The following SLC43A2 variants were observed in gnomAD, a reference collection of about 807,000 sequenced individuals.
The protein encoded by SLC43A2 is large neutral amino acids transporter small subunit 4.
Under a neutral mutation model 63.2 loss-of-function variants are expected in SLC43A2, and 38 were observed. The observed-to-expected ratio is 0.60, with a 90% CI of 0.46 to 0.79. The LOEUF (loss-of-function observed/expected upper bound fraction) is 0.79, where lower values mean the gene tolerates loss of function less well. SLC43A2 is among the 30% of genes least tolerant of loss of function. SLC43A2 has a pLI of 0.00. For missense variants in SLC43A2, 644 were observed against 756.2 expected, an observed-to-expected ratio of 0.85 and a Z score of 1.74; for synonymous variants, 322 against 331.0, an observed-to-expected ratio of 0.97 and a Z score of 0.30.
At chr17:1,625,811 C>A (rs910477339) in intron 2 of SLC43A2, among the ~76,000 whole-genome samples, 1 of 152,094 alleles carries the variant, frequency 6.6e-6, no homozygotes, top group Non-Finnish European at 1.5e-5. Flanking sequence ...GACCCTTCAC[C>A]TTCACTTTGG....
At chr17:1,584,442 G>A (rs2076069992) in intron 10 of SLC43A2, among the ~76,000 whole-genome samples, 1 of 152,100 alleles carries the variant, frequency 6.6e-6, no homozygotes, top group African/African-American at 2.4e-5. Context: ...TCTTCACTGA[G>A]ATACTGTGCA....
chr17:1,569,772 T>C lies in SLC43A2; in HGVS notation c.*5832A>G, dbSNP rs1432566448. The C allele has an allele frequency of 6.6e-6, 1 of 152,002 alleles. No individual in the cohort carries two copies. Among genetic ancestry groups the C allele is most frequent in the Non-Finnish European group, 1.5e-5 (1 of 68,004 alleles). 9.4% of individuals were successfully genotyped at this position (152,002 alleles called of 1,614,324 possible). ...CTCGAGCAGCTATTTGGCCAAGTCT[T>C]ACCAAAACGTGAAAGCCACAAAAGA... On this transcript the variant is annotated 3_prime_UTR_variant, in exon 14 of 14. Transcript: ENST00000301335.
Position 1,585,579 on chromosome 17 carries a change from G to C in SLC43A2, c.1217+334C>G, listed in dbSNP as rs566095572. On this transcript the variant is annotated intron_variant, in intron 10 of 13. Transcript: ENST00000301335. ...AATTTTTTGTAGAGACGGGGAGTGG[G>C]GGCTGGCCATGTTTCCCAGGCTGGT... is the stretch of plus-strand genomic sequence containing the variant. 5 of 946,804 alleles carry C rather than the reference G, an allele frequency of 5.3e-6. No individual in the cohort carries two copies. In the Admixed American group the frequency reaches 1.4e-4, roughly 27 times the overall value. 58.7% of individuals were successfully genotyped at this position (946,804 alleles called of 1,614,324 possible). A position where few individuals can be genotyped will look rare whatever the true frequency, so the allele number is the denominator to read the frequency against.
At chr17:1,609,555 C>CTAA (rs1433564906) in intron 5 of SLC43A2, among the ~76,000 whole-genome samples, 12 of 152,160 alleles carry the variant, frequency 7.9e-5, no homozygotes, top group African/African-American at 2.9e-4. Flanking sequence ...TTAAAACATG[C>CTAA]TAATCCTGTG....
At chr17:1,622,501 G>C (rs1303939756) in intron 2 of SLC43A2, among the ~76,000 whole-genome samples, 4 of 151,718 alleles carry the variant, frequency 2.6e-5, no homozygotes, top group Non-Finnish European at 5.9e-5. Context: ...GGAGGCGGAG[G>C]TTGCGGTGAG....
At position 1,570,558 on chromosome 17, in the gene SLC43A2, C is replaced by T. The variant is rs1342761410; in HGVS notation, c.*5046G>A. ...CTGGAGTGCAGTGGCGGGATCTCGG[C>T]TCACTGCAAGCTCCGCCTCCCGGGT... is the stretch of plus-strand genomic sequence containing the variant. On this transcript the variant is annotated 3_prime_UTR_variant, in exon 14 of 14. Transcript: ENST00000301335. The T allele has an allele frequency of 1.4e-5, 2 of 147,932 alleles. No individual in the cohort carries two copies. The highest frequency in any genetic ancestry group is 3.0e-5 in the Non-Finnish European group (2 of 67,112). The allele number at this position is 147,932 out of a possible 1,614,324, so 9.2% of individuals were successfully genotyped here.
intron 11 of SLC43A2, among the ~76,000 whole-genome samples, chr17:1,581,855 G>GA (rs900798590): frequency 2.0e-5 from 3 of 151,532 alleles, no homozygotes; most frequent in African/African-American, 7.3e-5. Flanking sequence ...GCCCAGGCTG[G>GA]AGTGCAGTGG....
intron 9 of SLC43A2, among the ~76,000 whole-genome samples, chr17:1,587,633 G>A (rs9709201): frequency 2.0e-5 from 3 of 152,214 alleles, no homozygotes; most frequent in Non-Finnish European, 4.4e-5. Context: ...AGACCCATAT[G>A]TGAGTGCTGG....
At chr17:1,609,449 G>A (rs1300710102) in intron 5 of SLC43A2, among the ~76,000 whole-genome samples, 4 of 152,092 alleles carry the variant, frequency 2.6e-5, no homozygotes, top group East Asian at 1.9e-4. Context: ...TGATCTGCCC[G>A]CCTCAGCCTC....
intron 10 of SLC43A2, among the ~76,000 whole-genome samples, chr17:1,584,401 A>G (rs754672312): frequency 6.6e-6 from 1 of 151,928 alleles, no homozygotes; most frequent in African/African-American, 2.4e-5. Flanking sequence ...TGGGTATAAC[A>G]CTGGTCCCCA....
chr17:1,596,544 A>G (rs1175019837), intron 5 of SLC43A2, among the ~76,000 whole-genome samples: 1 of 152,136 alleles, frequency 6.6e-6, no homozygotes, highest in Non-Finnish European at 1.5e-5. Context: ...AATAGAACAT[A>G]TAAAGAACCC....
At chr17:1,596,071 C>T (rs560742158) in intron 5 of SLC43A2, among the ~76,000 whole-genome samples, 4 of 151,730 alleles carry the variant, frequency 2.6e-5, no homozygotes, top group South Asian at 4.2e-4. Flanking sequence ...CTGTCATCCC[C>T]GCACTTTGGG....
chr17:1,587,557 G>A (rs910163859), intron 9 of SLC43A2, among the ~76,000 whole-genome samples: 3 of 152,206 alleles, frequency 2.0e-5, no homozygotes, highest in Non-Finnish European at 4.4e-5. Flanking sequence ...AGGCCTGGTG[G>A]CCCCTGAGCT....
rs150714098 is a variant in SLC43A2 at position 1,585,788 on chromosome 17, C to T, written c.1217+125G>A. The T allele has an allele frequency of 4.8e-3, 7,714 of 1,599,400 alleles. 34 individuals carry two copies. The highest frequency in any genetic ancestry group is 5.6e-3 in the Non-Finnish European group (6,592 of 1,178,856). ...AATGAGTGAGTCTCTCTAAGGGCTC[C>T]GGGAGCAGCTGGAGTGCATTGCTCT... On this transcript the variant is annotated intron_variant, in intron 10 of 13. Coordinates refer to ENST00000301335, the MANE Select transcript of SLC43A2 (RefSeq NM_152346.3).
chr17:1,604,065 G>A (rs1032435047), intron 5 of SLC43A2, among the ~76,000 whole-genome samples: 4 of 152,124 alleles, frequency 2.6e-5, no homozygotes, highest in Non-Finnish European at 5.9e-5. Context: ...TTTTGAGACA[G>A]AGCCTCACTC....
chr17:1,626,492 A>G (rs1366292857), intron 2 of SLC43A2, among the ~76,000 whole-genome samples: 7 of 152,032 alleles, frequency 4.6e-5, no homozygotes, highest in African/African-American at 1.7e-4. Flanking sequence ...TAAATGATAT[A>G]CTTTCTGTCC....
intron 6 of SLC43A2, among the ~76,000 whole-genome samples, chr17:1,592,047 C>T (rs1205826881): frequency 4.6e-5 from 7 of 152,226 alleles, no homozygotes; most frequent in African/African-American, 1.7e-4. Flanking sequence ...CTGGTATTAG[C>T]GGAGCTCCCT....
intron 12 of SLC43A2, 143 bp from the exon 13 acceptor site, chr17:1,576,863 GTTTT>G (rs35969643): frequency 4.0e-4 from 230 of 577,834 alleles, no homozygotes; most frequent in Non-Finnish European, 4.9e-4. Flanking sequence ...GGGCAGTTCT[GTTTT>G]TTTTTTTTTT....
chr17:1,611,495 C>T (rs1907099762), intron 5 of SLC43A2, among the ~76,000 whole-genome samples: 1 of 151,792 alleles, frequency 6.6e-6, no homozygotes, highest in Admixed American at 6.6e-5. Context: ...ATTAGCGAGG[C>T]GTGATGGTGC....
Sources: allele counts gnomAD v4.1 joint callset (sites outside exome capture counted in the v4.1 genomes callset), GRCh38; gene constraint gnomAD v4.1.1; transcripts MANE v1.5; gene names NCBI Gene and HGNC (gene_info 2026-07-23, HGNC 2026-07-21).